Variants in GALNT16 observed in about 807,000 individuals in gnomAD.
GALNT16 encodes polypeptide N-acetylgalactosaminyltransferase 16, also known as UDP-GalNAc:polypeptide N-acetylgalactosaminyltransferase-like protein 1.
A neutral mutation model predicts 76.1 loss-of-function variants in GALNT16; 40 were observed. That is an observed-to-expected ratio of 0.53 (90% confidence interval 0.41 to 0.68). The LOEUF is 0.68. Among genes scored for constraint, GALNT16 ranks in the 30% least tolerant of loss-of-function variants. The pLI, the probability that GALNT16 is intolerant of heterozygous loss-of-function variation, is 0.00. For missense variants in GALNT16, 621 were observed against 731.9 expected (o/e 0.85, Z 1.75); for synonymous variants, 276 against 285.2 (o/e 0.97, Z 0.32).
Position 69,352,289 on chromosome 14 carries a change from A to G in GALNT16, c.*121A>G. On this transcript the variant is annotated 3_prime_UTR_variant, in exon 15 of 15. Transcript: ENST00000448469. ...TCACATTTCTGCCAGGACCATCAGC[A>G]AATACCCACCATGACACACGTTCTC... 2.2e-6 allele frequency: 2 copies of G among 902,420 alleles called. No homozygotes were observed. The highest frequency in any genetic ancestry group is 3.3e-6 in the Non-Finnish European group (2 of 609,012). The allele number at this position is 902,420 out of a possible 1,614,324, so 55.9% of individuals were successfully genotyped here. A position where few individuals can be genotyped will look rare whatever the true frequency, so the allele number is the denominator to read the frequency against.
At chr14:69,260,856 C>A (rs138063085) in intron 1 of GALNT16, among the ~76,000 whole-genome samples, 1 of 151,992 alleles carries the variant, frequency 6.6e-6, no homozygotes, top group Non-Finnish European at 1.5e-5. Flanking sequence ...CGGTGGGAAC[C>A]ACTCGCAGCC....
At chr14:69,323,926 G>A (rs1287034752) in intron 2 of GALNT16, among the ~76,000 whole-genome samples, 1 of 152,196 alleles carries the variant, frequency 6.6e-6, no homozygotes, top group Non-Finnish European at 1.5e-5. Context: ...CCACCTTCCA[G>A]CACCCCAGGA....
At position 69,261,810 on chromosome 14, in the gene GALNT16, G is replaced by A. The variant is rs1037563486; in HGVS notation, c.177+1343G>A. On this transcript the variant is annotated intron_variant, in intron 1 of 14. Coordinates refer to ENST00000448469, the MANE Select transcript of GALNT16 (RefSeq NM_001168368.2). This position sits in a 1 kb window ranked among gnomAD's most constrained non-coding sequence, Gnocchi z 6.4. Reference sequence around the variant, plus strand: ...TGCCTGAGGAGACCTGGGGCGGGGGGGTGAGGTTGTGGGTTTTGTCCTAGA... The same window carrying A: ...TGCCTGAGGAGACCTGGGGCGGGGGAGTGAGGTTGTGGGTTTTGTCCTAGA... Among the ~76,000 whole-genome samples the A allele has an allele frequency of 2.8e-4, 43 of 152,184 alleles. No homozygotes were observed. The highest frequency in any genetic ancestry group is 2.4e-3 in the Admixed American group (37 of 15,288).
intron 1 of GALNT16, among the ~76,000 whole-genome samples, chr14:69,293,142 T>C (rs2044709676): frequency 6.6e-6 from 1 of 152,162 alleles, no homozygotes; most frequent in Non-Finnish European, 1.5e-5. Context: ...AAGTATCTTG[T>C]CACTGATCAG....
the GALNT16 span, among the ~76,000 whole-genome samples, chr14:69,376,943 G>A: frequency 6.6e-6 from 1 of 152,156 alleles, no homozygotes; most frequent in Admixed American, 6.5e-5. Context: ...AAGCTTCTAA[G>A]TTGGGGTAGC....
chr14:69,376,692 G>C, the GALNT16 span, among the ~76,000 whole-genome samples: 1 of 151,954 alleles, frequency 6.6e-6, no homozygotes, highest in African/African-American at 2.4e-5. Context: ...TAACATTGTA[G>C]CTCTGTTCCT....
Position 69,275,341 on chromosome 14 carries a change from T to G in GALNT16, c.177+14874T>G, listed in dbSNP as rs369983086. ...GACCACCCACTTGGGATGGAGTACC[T>G]TGCAGGAGTAAAATAAATGAAATTG... On this transcript the variant is annotated intron_variant, in intron 1 of 14. Transcript: ENST00000448469. 9.9e-5 allele frequency among the ~76,000 whole-genome samples: 15 copies of G among 152,284 alleles called. No individual in the cohort carries two copies. The South Asian group carries it at 2.9e-3, about 29-fold the overall frequency.
At chr14:69,298,323 G>A (rs1209309715) in intron 1 of GALNT16, among the ~76,000 whole-genome samples, 1 of 152,222 alleles carries the variant, frequency 6.6e-6, no homozygotes, top group Non-Finnish European at 1.5e-5. Flanking sequence ...TGCCCCTGGA[G>A]GGCCCTCCCT....
chr14:69,264,469 T>A (rs2044314579), intron 1 of GALNT16, among the ~76,000 whole-genome samples: 1 of 152,124 alleles, frequency 6.6e-6, no homozygotes, highest in African/African-American at 2.4e-5. Flanking sequence ...CTCCTGTCAG[T>A]GGAAGGTCCC....
chr14:69,373,758 TTCTC>T, the GALNT16 span, among the ~76,000 whole-genome samples: 1,116 of 152,122 alleles, frequency 7.3e-3, 14 homozygotes, highest in African/African-American at 0.025. Flanking sequence ...GTTCTTTTCT[TTCTC>T]TCTCTCTTTC....
intron 2 of GALNT16, among the ~76,000 whole-genome samples, chr14:69,322,980 GTGCGCGCGCA>G (rs766779304): frequency 0.016 from 604 of 37,214 alleles, 28 homozygotes; most frequent in East Asian, 0.12. Flanking sequence ...GTGTGTGTGT[GTGCGCGCGCA>G]CGCGCGCACG....
rs1363909216 is a variant in GALNT16, at chr14:69,260,254, G to T, written c.-37G>T. 6.5e-7 allele frequency: 1 copy of T among 1,530,414 alleles called. No homozygotes were observed. Among genetic ancestry groups the T allele is most frequent in the East Asian group, 2.6e-5 (1 of 38,880 alleles). The allele number at this position is 1,530,414 out of a possible 1,614,324, so 94.8% of individuals were successfully genotyped here. ...CCCGCCCCGGCCCCGAGAGCACGCC[G>T]GCCCAGTCCCCCACCTGGGGCGCCC... is the stretch of plus-strand genomic sequence containing the variant. On this transcript the variant is annotated 5_prime_UTR_variant, in exon 1 of 15. Coordinates refer to ENST00000448469, the MANE Select transcript of GALNT16 (RefSeq NM_001168368.2).
chr14:69,337,017 G>A (rs1185462912), intron 9 of GALNT16, among the ~76,000 whole-genome samples: 2 of 152,182 alleles, frequency 1.3e-5, no homozygotes, highest in African/African-American at 2.4e-5. Flanking sequence ...GTGAACCACC[G>A]CACCTGGCTG....
Position 69,354,303 on chromosome 14 carries a change from T to C in GALNT16, c.*2135T>C, listed in dbSNP as rs1448625320. On this transcript the variant is annotated 3_prime_UTR_variant, in exon 15 of 15. Transcript: ENST00000448469. The stretch of plus-strand genomic sequence containing the variant: ...AAGAGGGTCTCTCTGTCCTTTGCTG[T>C]GGTCAGATCAGGCTCTGCACTTATC... 1.3e-5 allele frequency: 2 copies of C among 152,770 alleles called. No individual in the cohort carries two copies. The highest frequency in any genetic ancestry group is 4.8e-5 in the African/African-American group (2 of 41,458). 9.5% of individuals were successfully genotyped at this position (152,770 alleles called of 1,614,324 possible).
At chr14:69,338,829 A>G (rs774002535) in intron 10 of GALNT16, 52 bp downstream of exon 10, 1 of 1,461,060 alleles carries the variant, frequency 6.8e-7, no homozygotes, top group South Asian at 1.2e-5. Flanking sequence ...CCAAGGCCCA[A>G]GCCCCCAGCC....
intron 1 of GALNT16, among the ~76,000 whole-genome samples, chr14:69,264,819 C>CTTTTTTCTTTTTTTTTTTTTTT (rs2044321405): frequency 1.0e-5 from 1 of 96,600 alleles, no homozygotes; most frequent in Non-Finnish European, 1.8e-5. Flanking sequence ...CTTTTTCTTT[C>CTTTTTTCTTTTTTTTTTTTTTT]TTTTTTTTTT....
intron 1 of GALNT16, among the ~76,000 whole-genome samples, chr14:69,277,107 A>G (rs1349201208): frequency 6.6e-6 from 1 of 152,256 alleles, no homozygotes; most frequent in African/African-American, 2.4e-5. Flanking sequence ...CTGCAGGCCA[A>G]TCTGTAAAAG....
the GALNT16 span, among the ~76,000 whole-genome samples, chr14:69,377,007 T>A: frequency 6.6e-6 from 1 of 152,166 alleles, no homozygotes; most frequent in Non-Finnish European, 1.5e-5. Context: ...TGTGTTTCCG[T>A]GTGTTCGGAG....
downstream of GALNT16, among the ~76,000 whole-genome samples, chr14:69,359,867 A>G (rs2045713637): frequency 6.6e-6 from 1 of 151,848 alleles, no homozygotes; most frequent in South Asian, 2.1e-4. Context: ...TCTACTAAAA[A>G]TACAAAAAAT....
Sources: gnomAD v4.1 joint callset for allele counts (sites outside exome capture counted in the v4.1 genomes callset) on GRCh38, gnomAD v4.1.1 for gene constraint, Gnocchi (gnomAD v3.1) non-coding constraint, MANE v1.5 for transcripts, NCBI Gene and HGNC (gene_info 2026-07-23, HGNC 2026-07-21) for gene names.